GLRA1: variants seen among roughly 807,000 people sequenced by gnomAD.
The protein encoded by GLRA1 is glycine receptor subunit alpha-1.
Under a neutral mutation model 48.3 loss-of-function variants are expected in GLRA1, and 37 were observed. The observed-to-expected ratio is 0.77, with a 90% confidence interval of 0.59 to 1.01. GLRA1 has a LOEUF of 1.01. GLRA1 is among the 50% of genes least tolerant of loss of function. The pLI, the probability that GLRA1 is intolerant of heterozygous loss-of-function variation, is 0.00. For missense variants in GLRA1, 427 were observed against 571.0 expected (o/e 0.75, Z 2.57); for synonymous variants, 196 against 210.7 (o/e 0.93, Z 0.60).
chr5:151,905,493 G>T (rs552704911), intron 1 of GLRA1, among the ~76,000 whole-genome samples: 9 of 151,778 alleles, frequency 5.9e-5, no homozygotes, highest in Non-Finnish European at 1.5e-5. Flanking sequence ...CAATTGATAG[G>T]CATTTATATT....
intron 8 of GLRA1, among the ~76,000 whole-genome samples, chr5:151,827,171 CTTTT>C (rs59142874): frequency 7.2e-6 from 1 of 138,872 alleles, no homozygotes; most frequent in Non-Finnish European, 1.6e-5. Flanking sequence ...CTTAAATAGA[CTTTT>C]TTTTTTTTTT....
At chr5:151,904,214 T>G (rs1370250286) in intron 1 of GLRA1, among the ~76,000 whole-genome samples, 1 of 152,138 alleles carries the variant, frequency 6.6e-6, no homozygotes, top group Admixed American at 6.5e-5. Context: ...TTGCTGAGGT[T>G]TTCTTCTCTT....
Position 151,888,696 on chromosome 5 carries a change from A to C in GLRA1, c.185-1908T>G, listed in dbSNP as rs114413947. 6.4e-3 allele frequency among the ~76,000 whole-genome samples: 982 copies of C among 152,278 alleles called. 11 individuals are homozygous for C. The highest frequency in any genetic ancestry group is 0.022 in the African/African-American group (916 of 41,536). On this transcript the variant is annotated intron_variant, in intron 2 of 8. Coordinates refer to ENST00000274576, the MANE Select transcript of GLRA1 (RefSeq NM_000171.4). ...CCAAATCTCTGGAGGTTAGCCCAAGAGTCTAGTGTTCAGAGAGCTACCTGG... is the reference window on the plus strand; with the variant it reads ...CCAAATCTCTGGAGGTTAGCCCAAGCGTCTAGTGTTCAGAGAGCTACCTGG...
intron 7 of GLRA1, among the ~76,000 whole-genome samples, chr5:151,841,313 A>G (rs1352235289): frequency 6.6e-6 from 1 of 152,122 alleles, no homozygotes; most frequent in African/African-American, 2.4e-5. Context: ...TTGAAAACAC[A>G]ACATACTACA....
chr5:151,876,361 C>T lies in GLRA1; in HGVS notation c.252+10360G>A, dbSNP rs559741311. Among the ~76,000 whole-genome samples the T allele has an allele frequency of 5.3e-5, 8 of 152,150 alleles. No homozygotes were observed. The South Asian group carries it at 1.5e-3, about 28-fold the overall frequency. Reference sequence around the variant, plus strand: ...GTTTGAACATGGGGAGTACCATGACCAGATTGCTGCTTTAGTAAAATCAGT... The same window carrying T: ...GTTTGAACATGGGGAGTACCATGACTAGATTGCTGCTTTAGTAAAATCAGT... On this transcript the variant is annotated intron_variant, in intron 3 of 8. Transcript: ENST00000274576.
intron 7 of GLRA1, among the ~76,000 whole-genome samples, chr5:151,832,636 A>T (rs936924635): frequency 1.3e-5 from 2 of 152,304 alleles, no homozygotes; most frequent in South Asian, 4.2e-4. Context: ...GCCTCCAAGA[A>T]ATACAGGACT....
At chr5:151,844,575 T>C (rs1752613352) in intron 7 of GLRA1, among the ~76,000 whole-genome samples, 1 of 133,124 alleles carries the variant, frequency 7.5e-6, no homozygotes, top group South Asian at 2.5e-4. Flanking sequence ...TGAGCTGAGA[T>C]TGTGCCACTG....
intron 7 of GLRA1, chr5:151,848,910 TAAAC>T: frequency 2.9e-6 from 2 of 685,006 alleles, no homozygotes; most frequent in East Asian, 6.2e-5. Flanking sequence ...CATTCCCACT[TAAAC>T]AAAGGTATTA....
intron 2 of GLRA1, among the ~76,000 whole-genome samples, chr5:151,889,748 A>G (rs1273867402): frequency 1.3e-5 from 2 of 152,030 alleles, no homozygotes; most frequent in Non-Finnish European, 2.9e-5. Flanking sequence ...ATGGGGTTTT[A>G]GGGAATCTGA....
Position 151,924,486 on chromosome 5 carries a change from T to G in GLRA1, c.56+8A>C. 1 of 1,547,002 alleles carries G rather than the reference T, an allele frequency of 6.5e-7. No homozygotes were observed. Among genetic ancestry groups the G allele is most frequent in the East Asian group, 2.2e-5 (1 of 44,552 alleles). On this transcript the variant is annotated splice_region_variant and intron_variant, in intron 1 of 8. Coordinates refer to ENST00000274576, the MANE Select transcript of GLRA1 (RefSeq NM_000171.4). ...TCAGAGCGATGTGGTCAGTAGAAAA[T>G]TGCATACCTGAAGAATACAATGGTC...
At chr5:151,823,735 T>G (rs994789580) in intron 8 of GLRA1, among the ~76,000 whole-genome samples, 3 of 152,218 alleles carry the variant, frequency 2.0e-5, no homozygotes, top group African/African-American at 7.2e-5. Flanking sequence ...CCAGATACTT[T>G]GCAGCCCTCC....
At chr5:151,908,782 G>A (rs1349794822) in intron 1 of GLRA1, among the ~76,000 whole-genome samples, 2 of 152,160 alleles carry the variant, frequency 1.3e-5, no homozygotes, top group South Asian at 2.1e-4. Flanking sequence ...TGAAAGGGAA[G>A]TGTGTTGTCA....
intron 3 of GLRA1, among the ~76,000 whole-genome samples, chr5:151,883,210 T>C (rs952418041): frequency 6.6e-6 from 1 of 152,220 alleles, no homozygotes; most frequent in African/African-American, 2.4e-5. Flanking sequence ...AGATTATTTC[T>C]TTCTACTCCA....
chr5:151,833,942 ACATATGCACCC>A (rs1763497019), intron 7 of GLRA1, among the ~76,000 whole-genome samples: 1 of 152,316 alleles, frequency 6.6e-6, no homozygotes, highest in South Asian at 2.1e-4. Flanking sequence ...TGTCCTAAAT[ACATATGCACCC>A]CATATACACC....
chr5:151,827,034 T>TTTTTTG (rs1279860670), intron 8 of GLRA1, among the ~76,000 whole-genome samples: 4 of 147,512 alleles, frequency 2.7e-5, no homozygotes, highest in Non-Finnish European at 5.9e-5. Flanking sequence ...TTTCTGTTTT[T>TTTTTTG]TTTTTTTTTT....
intron 1 of GLRA1, among the ~76,000 whole-genome samples, chr5:151,919,505 GCTTAGTGAGGTC>G (rs1754821027): frequency 6.6e-6 from 1 of 152,190 alleles, no homozygotes; most frequent in Non-Finnish European, 1.5e-5. Context: ...AAGGTGAATT[GCTTAGTGAGGTC>G]CTCAGTTCTT....
At chr5:151,921,247 A>G (rs571573840) in intron 1 of GLRA1, among the ~76,000 whole-genome samples, 3 of 152,282 alleles carry the variant, frequency 2.0e-5, no homozygotes, top group East Asian at 3.9e-4. Context: ...AGGGTGCTTT[A>G]TATATTTCAT....
At chr5:151,838,372 G>T (rs1581604575) in intron 7 of GLRA1, among the ~76,000 whole-genome samples, 1 of 152,176 alleles carries the variant, frequency 6.6e-6, no homozygotes, top group Non-Finnish European at 1.5e-5. Context: ...GGGAGGCTAA[G>T]ATTGGAGAAT....
At chr5:151,889,667 C>T (rs1214066503) in intron 2 of GLRA1, among the ~76,000 whole-genome samples, 1 of 152,086 alleles carries the variant, frequency 6.6e-6, no homozygotes, top group African/African-American at 2.4e-5. Flanking sequence ...ACAATGCAGA[C>T]CTCTTTCTAT....
Sources: allele counts gnomAD v4.1 joint callset (sites outside exome capture counted in the v4.1 genomes callset), GRCh38; gene constraint gnomAD v4.1.1; transcripts MANE v1.5; gene names NCBI Gene and HGNC (gene_info 2026-07-23, HGNC 2026-07-21).